The following ATP8B4 variants were observed in gnomAD, a reference collection of about 807,000 sequenced individuals.
The protein encoded by ATP8B4 is probable phospholipid-transporting ATPase IM.
ATP8B4 carries 133 observed loss-of-function variants against 145.6 expected under a neutral mutation model. The observed-to-expected ratio is 0.91, with a 90% CI of 0.79 to 1.05. ATP8B4 has a LOEUF of 1.05. Ranked by LOEUF, ATP8B4 falls within the 50% of genes least tolerant of loss-of-function variation. The pLI is 0.00. For missense variants in ATP8B4, 1,458 were observed against 1,425.2 expected (o/e 1.02, Z -0.37); for synonymous variants, 507 against 492.9 (o/e 1.03, Z -0.38).
At chr15:50,001,192 C>A (rs558261219) in intron 8 of ATP8B4, among the ~76,000 whole-genome samples, 2 of 151,560 alleles carry the variant, frequency 1.3e-5, no homozygotes, top group South Asian at 4.2e-4. Context: ...ATCTTATTAT[C>A]TCCTTTCTTA....
At chr15:50,083,148 A>G (rs979583200) in intron 2 of ATP8B4, among the ~76,000 whole-genome samples, 3 of 152,056 alleles carry the variant, frequency 2.0e-5, no homozygotes, top group Admixed American at 2.0e-4. Flanking sequence ...GTCACTTCCC[A>G]TGCTTCATCA....
At chr15:49,974,521 G>C (rs942886974) in intron 12 of ATP8B4, among the ~76,000 whole-genome samples, 6 of 151,790 alleles carry the variant, frequency 4.0e-5, no homozygotes, top group African/African-American at 1.2e-4. Context: ...CACCACAGCT[G>C]GCTGATTGTC....
chr15:50,111,630 G>A (rs780248560), intron 1 of ATP8B4, among the ~76,000 whole-genome samples: 6 of 152,172 alleles, frequency 3.9e-5, no homozygotes, highest in Admixed American at 3.3e-4. Context: ...GGGGCCACAC[G>A]CCCTGTTCTT....
intron 4 of ATP8B4, among the ~76,000 whole-genome samples, chr15:50,046,234 A>G (rs2051706281): frequency 6.6e-6 from 1 of 152,134 alleles, no homozygotes; most frequent in Non-Finnish European, 1.5e-5. Flanking sequence ...AGCAACAGAA[A>G]AAGTAATTCC....
intron 3 of ATP8B4, among the ~76,000 whole-genome samples, chr15:50,068,412 C>A (rs533372055): frequency 3.0e-4 from 45 of 152,248 alleles, no homozygotes; most frequent in Non-Finnish European, 5.7e-4. Context: ...CATCCAATAA[C>A]TAGGATATCA....
chr15:50,139,886 G>A (rs2044183249), intron 1 of ATP8B4, among the ~76,000 whole-genome samples: 1 of 152,134 alleles, frequency 6.6e-6, no homozygotes, highest in Admixed American at 6.6e-5. Context: ...TTGATGGGCA[G>A]ATAGAAATTA....
chr15:49,903,394 G>A (rs1167746913), intron 20 of ATP8B4, among the ~76,000 whole-genome samples: 3 of 152,150 alleles, frequency 2.0e-5, no homozygotes, highest in Non-Finnish European at 2.9e-5. Flanking sequence ...GTAATGAAGG[G>A]CAGTTTATTA....
intron 1 of ATP8B4, among the ~76,000 whole-genome samples, chr15:50,153,989 T>A (rs1363616163): frequency 6.6e-6 from 1 of 152,236 alleles, no homozygotes; most frequent in African/African-American, 2.4e-5. Flanking sequence ...TTTAGTTTTA[T>A]ATTAGTGTAT....
intron 14 of ATP8B4, among the ~76,000 whole-genome samples, chr15:49,934,656 G>A (rs568236492): frequency 8.5e-5 from 13 of 152,094 alleles, no homozygotes; most frequent in South Asian, 8.3e-4. Context: ...TTGATTACAG[G>A]TACTTTCTCA....
intron 24 of ATP8B4, among the ~76,000 whole-genome samples, chr15:49,878,989 A>G (rs1268719372): frequency 6.6e-6 from 1 of 152,192 alleles, no homozygotes; most frequent in Non-Finnish European, 1.5e-5. Context: ...CCGTGTGTGA[A>G]CCACAGACAC....
intron 9 of ATP8B4, among the ~76,000 whole-genome samples, chr15:49,990,720 CTA>C (rs1273522512): frequency 6.6e-6 from 1 of 152,072 alleles, no homozygotes; most frequent in Non-Finnish European, 1.5e-5. Context: ...GCCCAATAGT[CTA>C]TGATTTTCCA....
At chr15:49,878,610 A>G (rs1356421684) in intron 24 of ATP8B4, among the ~76,000 whole-genome samples, 1 of 152,200 alleles carries the variant, frequency 6.6e-6, no homozygotes, top group South Asian at 2.1e-4. Flanking sequence ...ACTTCCCCAC[A>G]GGCAGCCAGA....
chr15:49,950,064 G>A (rs779246028), intron 14 of ATP8B4, among the ~76,000 whole-genome samples: 4 of 152,164 alleles, frequency 2.6e-5, no homozygotes, highest in Non-Finnish European at 4.4e-5. Flanking sequence ...CAGTTTGCCA[G>A]TATTTTATTG....
chr15:50,156,855 A>T (rs2044428165), intron 1 of ATP8B4, among the ~76,000 whole-genome samples: 1 of 152,232 alleles, frequency 6.6e-6, no homozygotes, highest in African/African-American at 2.4e-5. Flanking sequence ...GTCAGAGAAT[A>T]TCAGGAGCTT....
rs1186062928 is a variant in ATP8B4 at position 49,858,301 on chromosome 15, A to C, written c.*1893T>G. 2.0e-5 allele frequency: 3 copies of C among 152,232 alleles called. No homozygotes were observed. Among genetic ancestry groups the C allele is most frequent in the Admixed American group, 2.0e-4 (3 of 15,284 alleles). The allele number at this position is 152,232 out of a possible 1,614,324, so 9.4% of individuals were successfully genotyped here. A position where few individuals can be genotyped will look rare whatever the true frequency, so the allele number is the denominator to read the frequency against. ...TCTTGCAAAAATGTTACAAAAAGTG[A>C]GCAAATGTGGTGAAACTAATGACAA... On this transcript the variant is annotated 3_prime_UTR_variant, in exon 28 of 28. Coordinates refer to ENST00000284509, the MANE Select transcript of ATP8B4 (RefSeq NM_024837.4).
At chr15:50,093,280 A>C (rs2055731705) in intron 2 of ATP8B4, among the ~76,000 whole-genome samples, 1 of 152,078 alleles carries the variant, frequency 6.6e-6, no homozygotes, top group East Asian at 1.9e-4. Flanking sequence ...ATTATGGGTA[A>C]ATCTGCACAA....
chr15:49,965,243 A>G (rs899174255), intron 13 of ATP8B4, among the ~76,000 whole-genome samples: 11 of 152,262 alleles, frequency 7.2e-5, no homozygotes, highest in African/African-American at 2.4e-4. Context: ...AAGGAGGTCA[A>G]AAAGTAGGAG....
At chr15:49,942,522 C>A (rs2153478567) in intron 14 of ATP8B4, among the ~76,000 whole-genome samples, 1 of 152,004 alleles carries the variant, frequency 6.6e-6, no homozygotes, top group South Asian at 2.1e-4. Flanking sequence ...GGAGAGAGCA[C>A]TGGGGTAAAA....
intron 21 of ATP8B4, among the ~76,000 whole-genome samples, chr15:49,899,302 A>G (rs2037764176): frequency 6.6e-6 from 1 of 152,142 alleles, no homozygotes; most frequent in South Asian, 2.1e-4. Flanking sequence ...CTGTGCTCTC[A>G]AAGCATTGTG....
Sources: allele counts gnomAD v4.1 joint callset (sites outside exome capture counted in the v4.1 genomes callset), GRCh38; gene constraint gnomAD v4.1.1; transcripts MANE v1.5; gene names NCBI Gene and HGNC (gene_info 2026-07-23, HGNC 2026-07-21).